SOX6: variants seen among roughly 807,000 people sequenced by gnomAD.
The protein encoded by SOX6 is transcription factor SOX-6.
A neutral mutation model predicts 97.8 loss-of-function variants in SOX6; 11 were observed. That is an observed-to-expected ratio of 0.11 (90% CI 0.07 to 0.19). SOX6 has a LOEUF of 0.19. Ranked by LOEUF, SOX6 falls within the 10% of genes least tolerant of loss-of-function variation. The pLI, the probability that SOX6 is intolerant of heterozygous loss-of-function variation, is 1.00. For missense variants in SOX6, 810 were observed against 1,039.5 expected (o/e 0.78, Z 3.04); for synonymous variants, 360 against 371.4 (o/e 0.97, Z 0.35).
At chr11:16,600,904 A>T (rs1848260715) in intron 4 of SOX6, among the ~76,000 whole-genome samples, 1 of 152,228 alleles carries the variant, frequency 6.6e-6, no homozygotes, top group Non-Finnish European at 1.5e-5. Context: ...AACTGGGCTT[A>T]CATTAATATA....
intron 7 of SOX6, among the ~76,000 whole-genome samples, chr11:16,101,496 G>T (rs1244049407): frequency 6.6e-6 from 1 of 151,640 alleles, no homozygotes; most frequent in Non-Finnish European, 1.5e-5. Flanking sequence ...CATCTGCAGT[G>T]TTTTTTCTAC....
At chr11:16,622,573 T>C (rs1194845328) in intron 3 of SOX6, among the ~76,000 whole-genome samples, 2 of 152,236 alleles carry the variant, frequency 1.3e-5, no homozygotes, top group Admixed American at 1.3e-4. Flanking sequence ...TCCAATTCCA[T>C]CCAGCTTGCT....
In SOX6 at chr11:16,318,622, T is replaced by C. The variant is rs1391889804; in HGVS notation, c.269A>G (p.Tyr90Cys). 6.2e-7 allele frequency: 1 copy of C among 1,613,198 alleles called. No individual in the cohort carries two copies. Among genetic ancestry groups the C allele is most frequent in the African/African-American group, 1.3e-5 (1 of 74,832 alleles). The change falls in exon 3 of 16, where the codon TAT becomes TGT. Residue 90 changes from tyrosine to cysteine, a missense_variant. Tyr to Cys is a radical substitution (Grantham distance 194, BLOSUM62 -2). This residue lies in a region of SOX6 where 46 missense variants were observed against 84.1 expected (regional missense o/e 0.55). Transcript: ENST00000683767. ...TGAGGTAGAGGTATTTCGGAAGGAA[T>C]ATAGGGAACATAACTTATTATTCTC... ...ESENNKLCSL[Y>C]SFRNTSTSPH...
rs530454389 is a variant in SOX6, at chr11:16,122,042, G to A, written c.778-10119C>T. 7.9e-5 allele frequency among the ~76,000 whole-genome samples: 12 copies of A among 151,996 alleles called. No homozygotes were observed. In the South Asian group the frequency reaches 1.0e-3, roughly 13 times the overall value. On this transcript the variant is annotated intron_variant, in intron 6 of 15. Coordinates refer to ENST00000683767, the MANE Select transcript of SOX6 (RefSeq NM_001367873.1). ...ATTAGTGGGTATTTTATTCAGATTCGTGCTGTAAAATCTGCATAAACTCAG... is the reference window on the plus strand; with the variant it reads ...ATTAGTGGGTATTTTATTCAGATTCATGCTGTAAAATCTGCATAAACTCAG...
intron 3 of SOX6, among the ~76,000 whole-genome samples, chr11:16,241,239 C>G (rs1162345096): frequency 6.6e-6 from 1 of 152,042 alleles, no homozygotes; most frequent in East Asian, 1.9e-4. Flanking sequence ...TAAGGTAATT[C>G]CTTCCAAGGT....
chr11:16,601,478 T>C (rs929610350), intron 4 of SOX6, among the ~76,000 whole-genome samples: 6 of 152,198 alleles, frequency 3.9e-5, no homozygotes, highest in Admixed American at 3.9e-4. Context: ...TGTACTATTC[T>C]ATACTTTCAT....
At chr11:16,373,941 A>G (rs1194024587) in intron 1 of SOX6, among the ~76,000 whole-genome samples, 2 of 150,364 alleles carry the variant, frequency 1.3e-5, no homozygotes, top group Non-Finnish European at 3.0e-5. Flanking sequence ...GGGGAAGGGA[A>G]GAAGGAAGGA....
chr11:16,197,061 T>C (rs1315913677), intron 4 of SOX6, among the ~76,000 whole-genome samples: 1 of 152,146 alleles, frequency 6.6e-6, no homozygotes, highest in Non-Finnish European at 1.5e-5. Context: ...CTTGAACTCC[T>C]GACCTCAGGT....
intron 4 of SOX6, among the ~76,000 whole-genome samples, chr11:16,532,928 T>C (rs553238851): frequency 6.6e-6 from 1 of 151,984 alleles, no homozygotes; most frequent in East Asian, 1.9e-4. Flanking sequence ...TAAACATCTG[T>C]ATATTTTGGT....
At chr11:16,146,737 C>T (rs995913680) in intron 6 of SOX6, among the ~76,000 whole-genome samples, 5 of 152,108 alleles carry the variant, frequency 3.3e-5, no homozygotes, top group African/African-American at 9.7e-5. Context: ...ATGCAGCCAA[C>T]AGACACATGA....
chr11:16,472,267 A>C (rs979382714), intron 1 of SOX6, among the ~76,000 whole-genome samples: 3 of 152,194 alleles, frequency 2.0e-5, no homozygotes, highest in African/African-American at 7.2e-5. Flanking sequence ...AAACTTACTA[A>C]AGCGAATGAC....
intron 4 of SOX6, among the ~76,000 whole-genome samples, chr11:16,579,888 AT>A (rs1848016784): frequency 6.6e-6 from 1 of 152,174 alleles, no homozygotes; most frequent in South Asian, 2.1e-4. Flanking sequence ...AAAATTAGTT[AT>A]AACAATTTAC....
intron 3 of SOX6, among the ~76,000 whole-genome samples, chr11:16,298,504 C>T (rs2134269817): frequency 6.6e-6 from 1 of 151,816 alleles, no homozygotes; most frequent in African/African-American, 2.4e-5. Context: ...AAAGTTGTTT[C>T]CTGTTTGGAA....
At chr11:16,263,784 A>C (rs1359898732) in intron 3 of SOX6, among the ~76,000 whole-genome samples, 1 of 151,904 alleles carries the variant, frequency 6.6e-6, no homozygotes, top group African/African-American at 2.4e-5. Context: ...CCAAAATTGC[A>C]AAAATAGTAC....
intron 3 of SOX6, among the ~76,000 whole-genome samples, chr11:16,248,682 G>T (rs939649733): frequency 2.6e-5 from 4 of 152,232 alleles, no homozygotes; most frequent in Admixed American, 6.5e-5. Context: ...GTGCAGGGGG[G>T]CCTTGGGCCT....
intron 4 of SOX6, among the ~76,000 whole-genome samples, chr11:16,500,134 T>C (rs187905975): frequency 6.6e-6 from 1 of 152,300 alleles, no homozygotes. Context: ...GCTTCATCCC[T>C]GGGATGCAAG....
chr11:16,424,733 T>C (rs969535765), intron 1 of SOX6, among the ~76,000 whole-genome samples: 1 of 152,228 alleles, frequency 6.6e-6, no homozygotes, highest in Non-Finnish European at 1.5e-5. Flanking sequence ...GAAATATCTA[T>C]AGATAGGCAT....
intron 6 of SOX6, among the ~76,000 whole-genome samples, chr11:16,176,213 T>C (rs1328359816): frequency 6.6e-6 from 1 of 151,870 alleles, no homozygotes; most frequent in African/African-American, 2.4e-5. Context: ...GCAGTATTTT[T>C]CCATTCTGAT....
intron 1 of SOX6, among the ~76,000 whole-genome samples, chr11:16,366,733 T>C (rs1336921909): frequency 6.6e-6 from 1 of 151,944 alleles, no homozygotes; most frequent in Non-Finnish European, 1.5e-5. Flanking sequence ...ATTTCTTACA[T>C]ACATCAGTAC....
Sources: gnomAD v4.1 joint callset for allele counts (sites outside exome capture counted in the v4.1 genomes callset) on GRCh38, gnomAD v4.1.1 for gene constraint, gnomAD v4.1.1 regional missense constraint, MANE v1.5 for transcripts, NCBI Gene and HGNC (gene_info 2026-07-23, HGNC 2026-07-21) for gene names.